Variants in THSD7B observed in about 807,000 individuals in gnomAD.
THSD7B encodes the protein thrombospondin type 1 domain containing 7B.
In THSD7B, 138 loss-of-function variants were observed where a neutral mutation model predicts 213.6. The ratio of observed to expected loss-of-function variants is 0.65; its 90% CI spans 0.56 to 0.74. The LOEUF is 0.74. Ranked by LOEUF, THSD7B falls within the 30% of genes least tolerant of loss-of-function variation. The pLI is 0.00. For missense variants in THSD7B, 1,931 were observed against 1,991.5 expected, an observed-to-expected ratio of 0.97 and a Z score of 0.58; for synonymous variants, 742 against 687.0, an observed-to-expected ratio of 1.08 and a Z score of -1.25.
chr2:137,466,899 T>G (rs1184403352), intron 15 of THSD7B, among the ~76,000 whole-genome samples: 1 of 152,150 alleles, frequency 6.6e-6, no homozygotes, highest in Non-Finnish European at 1.5e-5. Flanking sequence ...AGTGTTGGCT[T>G]CATCCTCTGG....
intron 10 of THSD7B, among the ~76,000 whole-genome samples, chr2:137,253,037 C>A (rs1420075754): frequency 2.7e-5 from 4 of 149,520 alleles, no homozygotes; most frequent in Admixed American, 2.0e-4. Context: ...TAGAATAACA[C>A]CTTCATGTGG....
intron 12 of THSD7B, among the ~76,000 whole-genome samples, chr2:137,359,312 T>C (rs1055157896): frequency 5.3e-5 from 8 of 152,210 alleles, no homozygotes; most frequent in Non-Finnish European, 1.2e-4. Flanking sequence ...TTTGATGAAT[T>C]GCATTTGAAA....
chr2:136,818,550 AAAAT>A (rs922547284), intron 1 of THSD7B, among the ~76,000 whole-genome samples: 240 of 152,254 alleles, frequency 1.6e-3, no homozygotes, highest in African/African-American at 3.4e-3. Flanking sequence ...AGTATAATAA[AAAAT>A]AAATAAATAA....
chr2:136,779,198 ATGTGTGTGTGTGTG>A (rs199689020), intron 1 of THSD7B, among the ~76,000 whole-genome samples: 7 of 55,086 alleles, frequency 1.3e-4, no homozygotes. Context: ...ATATATATAT[ATGTGTGTGTGTGTG>A]TGTGTGTGTG....
Position 136,991,623 on chromosome 2 carries a change from G to A in THSD7B, c.140-64797G>A, listed in dbSNP as rs547804065. 5.3e-5 allele frequency among the ~76,000 whole-genome samples: 8 copies of A among 152,140 alleles called. No homozygotes were observed. The South Asian group carries it at 1.7e-3, about 32-fold the overall frequency. On this transcript the variant is annotated intron_variant, in intron 2 of 27. Coordinates refer to ENST00000409968, the MANE Select transcript of THSD7B (RefSeq NM_001316349.2). Reference sequence around the variant, plus strand: ...GTGCATCTGAGTAGCTGGAGAGTTGGGTAAATTGAGTGTAGTGCATCAGTT... The same window carrying A: ...GTGCATCTGAGTAGCTGGAGAGTTGAGTAAATTGAGTGTAGTGCATCAGTT...
At chr2:136,778,850 A>G (rs1331261351) in intron 1 of THSD7B, among the ~76,000 whole-genome samples, 2 of 152,198 alleles carry the variant, frequency 1.3e-5, no homozygotes, top group African/African-American at 4.8e-5. Flanking sequence ...CATTTACTAA[A>G]TTCCTTCCCT....
rs75279894 is a variant in THSD7B, at chr2:137,346,536, T to A, written c.2501-59077T>A. Among the ~76,000 whole-genome samples the A allele has an allele frequency of 8.4e-3, 1,281 of 151,684 alleles. 23 individuals carry two copies. The highest frequency in any genetic ancestry group is 0.029 in the African/African-American group (1,201 of 41,432). Reference sequence around the variant, plus strand: ...CCCAACATGCCCTTGATTGAGCATATCCCTAAGTAGCATTGACTCTTATAC... The same window carrying A: ...CCCAACATGCCCTTGATTGAGCATAACCCTAAGTAGCATTGACTCTTATAC... On this transcript the variant is annotated intron_variant, in intron 12 of 27. Coordinates refer to ENST00000409968, the MANE Select transcript of THSD7B (RefSeq NM_001316349.2).
chr2:137,273,721 A>AT (rs1250426332), intron 11 of THSD7B, among the ~76,000 whole-genome samples: 2 of 152,032 alleles, frequency 1.3e-5, no homozygotes, highest in African/African-American at 2.4e-5. Flanking sequence ...CTGATGACCA[A>AT]TTTTGGGAGG....
intron 1 of THSD7B, among the ~76,000 whole-genome samples, chr2:136,769,193 T>C (rs1030720941): frequency 6.6e-6 from 1 of 152,160 alleles, no homozygotes; most frequent in African/African-American, 2.4e-5. Context: ...GAGGATTAGG[T>C]AGTTTTTGGT....
intron 7 of THSD7B, among the ~76,000 whole-genome samples, chr2:137,224,086 C>T (rs1357049701): frequency 2.0e-5 from 3 of 152,186 alleles, no homozygotes; most frequent in Admixed American, 2.0e-4. Flanking sequence ...AATGAACTAA[C>T]ACAACCACTA....
intron 17 of THSD7B, among the ~76,000 whole-genome samples, chr2:137,593,078 A>G (rs1230552789): frequency 6.6e-6 from 1 of 151,958 alleles, no homozygotes; most frequent in African/African-American, 2.4e-5. Context: ...AGATGTCTGC[A>G]TGTTGTTGAG....
At chr2:136,890,328 CT>C (rs1558839834) in intron 2 of THSD7B, among the ~76,000 whole-genome samples, 1 of 2,950 alleles carries the variant, frequency 3.4e-4, no homozygotes, top group Admixed American at 2.8e-3. Flanking sequence ...TCTTCTTCTT[CT>C]TCTTCTTCTT....
chr2:136,968,805 G>A (rs1250883941), intron 2 of THSD7B, among the ~76,000 whole-genome samples: 5 of 151,746 alleles, frequency 3.3e-5, no homozygotes, highest in African/African-American at 1.2e-4. Context: ...AACTTTTTTG[G>A]TTTTCCTTCT....
chr2:136,811,658 T>C (rs1433159246), intron 1 of THSD7B, among the ~76,000 whole-genome samples: 1 of 152,230 alleles, frequency 6.6e-6, no homozygotes, highest in Admixed American at 6.5e-5. Flanking sequence ...TTTCAGTAGT[T>C]GAACCTAGAC....
intron 2 of THSD7B, among the ~76,000 whole-genome samples, chr2:136,980,565 T>C (rs1305342203): frequency 6.6e-6 from 1 of 152,162 alleles, no homozygotes; most frequent in East Asian, 1.9e-4. Context: ...AGGAAATTCC[T>C]CCCAGTTCAA....
At chr2:137,532,827 T>C (rs1359148919) in intron 15 of THSD7B, among the ~76,000 whole-genome samples, 2 of 151,618 alleles carry the variant, frequency 1.3e-5, no homozygotes, top group Non-Finnish European at 3.0e-5. Context: ...AGTGACCATA[T>C]AGGTAAAAGT....
At chr2:137,408,404 T>C (rs1686576895) in intron 13 of THSD7B, among the ~76,000 whole-genome samples, 1 of 152,154 alleles carries the variant, frequency 6.6e-6, no homozygotes, top group Non-Finnish European at 1.5e-5. Context: ...TGTTTACCAC[T>C]TATATGTGCT....
chr2:137,676,812 G>A lies in THSD7B; in HGVS notation c.*207G>A, dbSNP rs1007719254. On this transcript the variant is annotated 3_prime_UTR_variant, in exon 28 of 28. Coordinates refer to ENST00000409968, the MANE Select transcript of THSD7B (RefSeq NM_001316349.2). The stretch of plus-strand genomic sequence containing the variant: ...CCATTTTGTTTTCAAGTTGTTTGTG[G>A]GTGTGTTTTATTTTTTTGGTTTTCC... The A allele has an allele frequency of 1.4e-5, 6 of 430,546 alleles. No homozygotes were observed. In the Admixed American group the frequency reaches 1.8e-4, roughly 13 times the overall value. The allele number at this position is 430,546 out of a possible 1,614,324, so 26.7% of individuals were successfully genotyped here. A position where few individuals can be genotyped will look rare whatever the true frequency, so the allele number is the denominator to read the frequency against.
intron 12 of THSD7B, among the ~76,000 whole-genome samples, chr2:137,345,988 G>T (rs1163867268): frequency 2.0e-5 from 3 of 151,564 alleles, no homozygotes; most frequent in Non-Finnish European, 3.0e-5. Flanking sequence ...AGGGGAGGGA[G>T]CTTGCCCTTT....
Sources: allele counts gnomAD v4.1 joint callset (sites outside exome capture counted in the v4.1 genomes callset), GRCh38; gene constraint gnomAD v4.1.1; transcripts MANE v1.5; gene names NCBI Gene and HGNC (gene_info 2026-07-23, HGNC 2026-07-21).